NPC1L1: variants seen among roughly 807,000 people sequenced by gnomAD.
NPC1L1 encodes the protein NPC1-like intracellular cholesterol transporter 1.
In NPC1L1, 98 loss-of-function variants were observed where a neutral mutation model predicts 117.0. That is an observed-to-expected ratio of 0.84 (90% confidence interval 0.71 to 0.99). The LOEUF (loss-of-function observed/expected upper bound fraction) is 0.99. NPC1L1 is among the 50% of genes least tolerant of loss of function. NPC1L1 has a pLI of 0.00. For missense variants in NPC1L1, 1,540 were observed against 1,710.0 expected (o/e 0.90, Z 1.75); for synonymous variants, 729 against 727.6 (o/e 1.00, Z -0.03).
intron 15 of NPC1L1, 71 bp downstream of exon 15, chr7:44,517,136 C>T (rs1801215097): frequency 1.2e-6 from 2 of 1,601,278 alleles, no homozygotes; most frequent in African/African-American, 2.7e-5. Context: ...CCTTGCAAGC[C>T]CTCCACCCTA....
intron 10 of NPC1L1, among the ~76,000 whole-genome samples, chr7:44,526,832 T>C (rs1042751942): frequency 2.0e-5 from 3 of 151,914 alleles, no homozygotes; most frequent in African/African-American, 7.3e-5. Context: ...ATGACCAGCC[T>C]GGCCAACATG....
chr7:44,516,022 GGCA>G (rs1801173877), intron 17 of NPC1L1, 57 bp from the exon 18 acceptor site: 3 of 1,609,608 alleles, frequency 1.9e-6, no homozygotes, highest in Non-Finnish European at 2.5e-6. Context: ...CAGGGCACAG[GGCA>G]TCAGGCAGGG....
intron 5 of NPC1L1, 137 bp downstream of exon 5, chr7:44,535,703 T>C (rs1214994544): frequency 8.8e-7 from 1 of 1,132,660 alleles, no homozygotes; most frequent in South Asian, 1.3e-5. Context: ...CAAGAGGTAT[T>C]ACCCTTTGGG....
chr7:44,536,328 C>G lies in NPC1L1; in HGVS notation c.1782G>C (p.Glu594Asp). ...PRLAQAKLWEEAFLEEMRAFQ... is the reference protein window; with the variant it reads ...PRLAQAKLWEDAFLEEMRAFQ... ...AGGCTCGCATTTCCTCTAAGAAGGC[C>G]TCCTCCCACAGCTTGGCCTGGGCCA... is the stretch of plus-strand genomic sequence containing the variant. The change falls in exon 4 of 19, where the codon GAG (glutamate) becomes GAC (aspartate). Residue 594 changes from glutamate (E) to aspartate (D), a missense_variant. Physicochemically the swap from Glu to Asp is conservative, Grantham distance 45 (BLOSUM62 2). Around this residue, in one of 3 missense-constraint regions of NPC1L1, gnomAD observed 793 missense variants for 820.4 expected, o/e 0.97. Coordinates refer to ENST00000381160, the MANE Select transcript of NPC1L1 (RefSeq NM_001101648.2). This position sits in a 1 kb window ranked among gnomAD's most constrained non-coding sequence, Gnocchi z 4.7. 6.2e-7 allele frequency: 1 copy of G among 1,614,246 alleles called. No individual in the cohort carries two copies. The highest frequency in any genetic ancestry group is 8.5e-7 in the Non-Finnish European group (1 of 1,180,032).
chr7:44,528,458 TA>T (rs1801592864), intron 10 of NPC1L1, among the ~76,000 whole-genome samples: 1 of 152,200 alleles, frequency 6.6e-6, no homozygotes, highest in South Asian at 2.1e-4. Context: ...ATGGAGTTGT[TA>T]TAGGGCAGAG....
chr7:44,536,490 C>T lies in NPC1L1; in HGVS notation c.1682-62G>A. The T allele has an allele frequency of 6.4e-7, 1 of 1,567,116 alleles. No homozygotes were observed. Among genetic ancestry groups the T allele is most frequent in the South Asian group, 1.1e-5 (1 of 90,322 alleles). ...CCGTGCCTCCCTCCCCCTCCAGCTG[C>T]ACCCCTATATTCCCTCCCCCTATCT... On this transcript the variant is annotated intron_variant, in intron 3 of 18. Transcript: ENST00000381160. This position sits in a 1 kb window ranked among gnomAD's most constrained non-coding sequence, Gnocchi z 4.7.
Position 44,535,832 on chromosome 7 carries a change from C to T in NPC1L1, c.1983+8G>A, listed in dbSNP as rs1223663360. 1 of 1,612,530 alleles carries T rather than the reference C, an allele frequency of 6.2e-7. No homozygotes were observed. The highest frequency in any genetic ancestry group is 8.5e-7 in the Non-Finnish European group (1 of 1,179,888). On this transcript the variant is annotated splice_region_variant and intron_variant, in intron 5 of 18. Coordinates refer to ENST00000381160, the MANE Select transcript of NPC1L1 (RefSeq NM_001101648.2). ...AGCCCACTTAGCTGTGTCCCTCCCG[C>T]TTCTCACCATCACTCGGCTCCAGCT...
rs1032487970 is a variant in NPC1L1 at position 44,521,762 on chromosome 7, C to T, written c.2903G>A (p.Arg968His). ...CTTATTGGGGCCAGATATATAAAGG[C>T]GGCAGCAGGAGGACGGGGTCAGCCA... ...IDWLTPSSCC[R>H]LYISGPNKDK... The change falls in exon 12 of 19, where the codon CGC becomes CAC. Residue 968 changes from arginine (R) to histidine (H), a missense_variant. By Grantham distance (29) the Arg-to-His change is conservative (BLOSUM62 0). This residue lies in a region of NPC1L1 where 742 missense variants were observed against 873.6 expected (regional missense o/e 0.85). Coordinates refer to ENST00000381160, the MANE Select transcript of NPC1L1 (RefSeq NM_001101648.2). 8 of 1,614,120 alleles carry T rather than the reference C, an allele frequency of 5.0e-6. No individual in the cohort carries two copies. Among genetic ancestry groups the T allele is most frequent in the Admixed American group, 1.7e-5 (1 of 60,006 alleles).
rs751576066 is a variant in NPC1L1, at chr7:44,517,209, G to A, written c.3285C>T (p.Tyr1095=). 25 of 1,614,020 alleles carry A rather than the reference G, an allele frequency of 1.5e-5. No homozygotes were observed. In the Admixed American group the frequency reaches 4.0e-4, roughly 26 times the overall value. The change falls in exon 15 of 19, where the codon TAC becomes TAT. Residue 1095 remains tyrosine, a splice_region_variant and synonymous_variant. Transcript: ENST00000381160. ...GTDPAFEVFP[Y]TITNVFYEQY... is the part of the protein sequence containing the mutation. ...AGCCCAGCCACTCAGGTCCTCACGT[G>A]TAGGGGAAGACCTCAAAAGCCGGGT...
intron 12 of NPC1L1, 55 bp downstream of exon 12, chr7:44,521,657 G>T: frequency 6.2e-7 from 1 of 1,613,072 alleles, no homozygotes; most frequent in Non-Finnish European, 8.5e-7. Context: ...CCTTTCTGTT[G>T]CCTCAGTTTG....
At chr7:44,517,404 C>T in intron 14 of NPC1L1, 47 bp from the exon 15 acceptor site, 1 of 1,602,614 alleles carries the variant, frequency 6.2e-7, no homozygotes, top group Non-Finnish European at 8.5e-7. Context: ...AGGTCAGAGC[C>T]CTTTCCAGGA....
chr7:44,530,690 T>C (rs1243068438), intron 10 of NPC1L1, among the ~76,000 whole-genome samples: 1 of 152,186 alleles, frequency 6.6e-6, no homozygotes, highest in Non-Finnish European at 1.5e-5. Flanking sequence ...TCCTTCCTTC[T>C]TGCTCTTGGG....
rs776042669 is a variant in NPC1L1 at position 44,538,129 on chromosome 7, C to T, written c.1580+688G>A. ...CTCATTTGCTCTGGAGTATGGAGTACTAAACGTTCATCTTGAGGACCTCTG... is the reference window on the plus strand; with the variant it reads ...CTCATTTGCTCTGGAGTATGGAGTATTAAACGTTCATCTTGAGGACCTCTG... On this transcript the variant is annotated intron_variant, in intron 2 of 18. Transcript: ENST00000381160. This position sits in a 1 kb window ranked among gnomAD's most constrained non-coding sequence, Gnocchi z 5.9. 2.0e-5 allele frequency among the ~76,000 whole-genome samples: 3 copies of T among 152,222 alleles called. No individual in the cohort carries two copies. The highest frequency in any genetic ancestry group is 2.9e-5 in the Non-Finnish European group (2 of 68,044).
At chr7:44,519,647 C>T (rs974502775) in intron 14 of NPC1L1, among the ~76,000 whole-genome samples, 1 of 152,162 alleles carries the variant, frequency 6.6e-6, no homozygotes, top group Non-Finnish European at 1.5e-5. Context: ...ATCTCCAGCA[C>T]GAGCTCCCTT....
chr7:44,531,655 C>A, intron 10 of NPC1L1, 100 bp downstream of exon 10: 1 of 1,046,552 alleles, frequency 9.6e-7, no homozygotes, highest in Non-Finnish European at 1.4e-6. Context: ...CACCTCTGGC[C>A]AAGCCCCTGG....
chr7:44,532,224 T>C lies in NPC1L1; in HGVS notation c.2410-7A>G. On this transcript the variant is annotated splice_polypyrimidine_tract_variant and splice_region_variant and intron_variant, in intron 8 of 18. Transcript: ENST00000381160. ...AGACGTCCAACCGGGAGGCCTGGAGTGGGAGGCACCCCCTCAAGGTAGTCC... is the reference window on the plus strand; with the variant it reads ...AGACGTCCAACCGGGAGGCCTGGAGCGGGAGGCACCCCCTCAAGGTAGTCC... The C allele has an allele frequency of 6.2e-7, 1 of 1,612,982 alleles. No homozygotes were observed. The highest frequency in any genetic ancestry group is 8.5e-7 in the Non-Finnish European group (1 of 1,179,842).
intron 10 of NPC1L1, among the ~76,000 whole-genome samples, chr7:44,526,303 C>T (rs776429428): frequency 6.6e-6 from 1 of 151,932 alleles, no homozygotes; most frequent in Non-Finnish European, 1.5e-5. Context: ...AATCCCAGCA[C>T]TTTGGGAGGC....
In NPC1L1 at chr7:44,516,174, A is replaced by G. The variant is rs767739070; in HGVS notation, c.3543T>C (p.Phe1181=). ...LVSAVGMSVE[F]VSHITRSFAI... ...CAAAGGAGCGGGTAATGTGGGACACAAACTCCACAGACATGCCCACCGCCT... is the reference window on the plus strand; with the variant it reads ...CAAAGGAGCGGGTAATGTGGGACACGAACTCCACAGACATGCCCACCGCCT... The change falls in exon 17 of 19, where the codon TTT becomes TTC. Residue 1181 remains phenylalanine, a synonymous_variant. Coordinates refer to ENST00000381160, the MANE Select transcript of NPC1L1 (RefSeq NM_001101648.2). 5.0e-6 allele frequency: 8 copies of G among 1,610,162 alleles called. No individual in the cohort carries two copies. The Admixed American group carries it at 1.0e-4, about 20-fold the overall frequency.
chr7:44,516,664 C>G, intron 16 of NPC1L1, 39 bp downstream of exon 16: 1 of 1,518,128 alleles, frequency 6.6e-7, no homozygotes, highest in African/African-American at 1.4e-5. Flanking sequence ...CCCAACCACC[C>G]CTCCAGAGGC....
Sources: gnomAD v4.1 joint callset for allele counts (sites outside exome capture counted in the v4.1 genomes callset) on GRCh38, gnomAD v4.1.1 for gene constraint, gnomAD v4.1.1 regional missense constraint, Gnocchi (gnomAD v3.1) non-coding constraint, MANE v1.5 for transcripts, NCBI Gene and HGNC (gene_info 2026-07-23, HGNC 2026-07-21) for gene names.